ANKS1B: variants seen among roughly 807,000 people sequenced by gnomAD.
The protein encoded by ANKS1B is ankyrin repeat and sterile alpha motif domain-containing protein 1B.
In ANKS1B, 36 loss-of-function variants were observed where a neutral mutation model predicts 148.3. The ratio of observed to expected loss-of-function variants is 0.24; its 90% CI spans 0.19 to 0.32. The LOEUF (loss-of-function observed/expected upper bound fraction) is 0.32. Ranked by LOEUF, ANKS1B falls within the 10% of genes least tolerant of loss-of-function variation. The pLI is 1.00. For synonymous variants in ANKS1B, 542 were observed against 560.8 expected, an observed-to-expected ratio of 0.97 and a Z score of 0.47; for missense variants, 1,157 against 1,542.6, an observed-to-expected ratio of 0.75 and a Z score of 4.19.
At chr12:99,222,776 T>C (rs947507588) in intron 14 of ANKS1B, among the ~76,000 whole-genome samples, 6 of 152,242 alleles carry the variant, frequency 3.9e-5, no homozygotes, top group Non-Finnish European at 7.3e-5. Context: ...ACAGAGGCTC[T>C]ATATCTTTCT....
intron 12 of ANKS1B, among the ~76,000 whole-genome samples, chr12:99,315,606 C>T (rs1380074716): frequency 6.6e-6 from 1 of 151,986 alleles, no homozygotes; most frequent in Non-Finnish European, 1.5e-5. Context: ...AAAATTCATC[C>T]TTTTAAAGTA....
intron 9 of ANKS1B, among the ~76,000 whole-genome samples, chr12:99,571,195 T>C (rs1267911818): frequency 6.6e-6 from 1 of 152,102 alleles, no homozygotes; most frequent in Non-Finnish European, 1.5e-5. Flanking sequence ...ATGCATGTGA[T>C]TTACCATAAC....
intron 8 of ANKS1B, among the ~76,000 whole-genome samples, chr12:99,720,167 C>T: frequency 6.6e-6 from 1 of 152,202 alleles, no homozygotes; most frequent in East Asian, 1.9e-4. Context: ...GTTCTATCTG[C>T]TATTCTACTA....
At chr12:98,890,965 GT>G (rs1567594913) in intron 17 of ANKS1B, among the ~76,000 whole-genome samples, 1 of 152,206 alleles carries the variant, frequency 6.6e-6, no homozygotes, top group Non-Finnish European at 1.5e-5. Context: ...ATATGGTAAA[GT>G]TGCGTATCTA....
chr12:99,930,880 A>G (rs1223318595), intron 1 of ANKS1B, among the ~76,000 whole-genome samples: 1 of 152,214 alleles, frequency 6.6e-6, no homozygotes, highest in African/African-American at 2.4e-5. Flanking sequence ...GCTGCTATAA[A>G]GACACATGCG....
chr12:99,443,745 G>A lies in ANKS1B; in HGVS notation c.1503C>T (p.Gly501=). 2 of 1,612,284 alleles carry A rather than the reference G, an allele frequency of 1.2e-6. No individual in the cohort carries two copies. The highest frequency in any genetic ancestry group is 1.7e-6 in the Non-Finnish European group (2 of 1,178,864). Residue 501 remains glycine, a synonymous_variant, in exon 11 of 27, where the codon GGC becomes GGT. Transcript: ENST00000683438. ...ATGGAGGTGAACAATCAGGTGTTGG[G>A]CCTGTTGAGCTGTTTCTATGGTTAC... ...GTSNHRNSST[G]PTPDCSPPSP... is the part of the protein sequence containing the mutation.
chr12:99,709,544 C>T (rs2056332747), intron 8 of ANKS1B, among the ~76,000 whole-genome samples: 1 of 151,866 alleles, frequency 6.6e-6, no homozygotes, highest in African/African-American at 2.4e-5. Context: ...ATAATAATAC[C>T]CAGAGAGGAT....
chr12:99,910,354 CAAAAAA>C (rs57222450), intron 1 of ANKS1B, among the ~76,000 whole-genome samples: 5 of 51,104 alleles, frequency 9.8e-5, no homozygotes, highest in South Asian at 1.0e-3. Flanking sequence ...GACTCCATCT[CAAAAAA>C]AAAAAAAAAA....
chr12:98,829,449 G>A lies in ANKS1B; in HGVS notation c.2887-96C>T. On this transcript the variant is annotated intron_variant, in intron 18 of 26. Transcript: ENST00000683438. This position sits in a 1 kb window ranked among gnomAD's most constrained non-coding sequence, Gnocchi z 5.2. Reference sequence around the variant, plus strand: ...ACTGACAAGACAAACTGTGGGGGTGGGGAGTCGCTTTTGAAGCAACAGCCA... The same window carrying A: ...ACTGACAAGACAAACTGTGGGGGTGAGGAGTCGCTTTTGAAGCAACAGCCA... The A allele has an allele frequency of 7.9e-7, 1 of 1,270,772 alleles. No homozygotes were observed. The highest frequency in any genetic ancestry group is 1.5e-5 in the South Asian group (1 of 67,960). The allele number at this position is 1,270,772 out of a possible 1,614,324, so 78.7% of individuals were successfully genotyped here.
chr12:99,755,416 A>G (rs559555157), intron 8 of ANKS1B, among the ~76,000 whole-genome samples: 1 of 152,076 alleles, frequency 6.6e-6, no homozygotes, highest in Non-Finnish European at 1.5e-5. Flanking sequence ...TACCAGATGT[A>G]CAAAGAAGAA....
chr12:99,587,747 C>T (rs1364115291), intron 9 of ANKS1B, among the ~76,000 whole-genome samples: 4 of 152,198 alleles, frequency 2.6e-5, no homozygotes, highest in South Asian at 2.1e-4. Flanking sequence ...GACACACTTT[C>T]AGTGGATTCA....
Position 99,901,797 on chromosome 12 carries a change from A to G in ANKS1B, c.135-76408T>C, listed in dbSNP as rs143691108. On this transcript the variant is annotated intron_variant, in intron 1 of 26. Transcript: ENST00000683438. Reference sequence around the variant, plus strand: ...CAACATTCCCTTCTTATGGAATGGCAACTAATGGCTATGTGATCAAGCTGC... The same window carrying G: ...CAACATTCCCTTCTTATGGAATGGCGACTAATGGCTATGTGATCAAGCTGC... Among the ~76,000 whole-genome samples, 35 of 150,156 alleles carry G rather than the reference A, an allele frequency of 2.3e-4. No homozygotes were observed. The East Asian group carries it at 6.6e-3, about 28-fold the overall frequency.
At chr12:99,237,887 GACTACAGGC>G (rs1946053004) in intron 14 of ANKS1B, among the ~76,000 whole-genome samples, 2 of 152,206 alleles carry the variant, frequency 1.3e-5, no homozygotes, top group African/African-American at 4.8e-5. Flanking sequence ...GAGTACCTGG[GACTACAGGC>G]ACATGCCTAG....
chr12:99,340,840 A>G (rs1347517098), intron 12 of ANKS1B, among the ~76,000 whole-genome samples: 1 of 152,152 alleles, frequency 6.6e-6, no homozygotes, highest in Non-Finnish European at 1.5e-5. Flanking sequence ...TATATAAATA[A>G]TATGTGTTTA....
At chr12:99,751,180 T>C (rs1366740745) in intron 8 of ANKS1B, among the ~76,000 whole-genome samples, 1 of 152,070 alleles carries the variant, frequency 6.6e-6, no homozygotes. Context: ...ATTAACATAA[T>C]TAAACTTATT....
chr12:98,812,258 C>T (rs151009301), intron 19 of ANKS1B, among the ~76,000 whole-genome samples: 1 of 152,144 alleles, frequency 6.6e-6, no homozygotes, highest in South Asian at 2.1e-4. Context: ...TAGAGCCAGA[C>T]TTAGGTATGT....
At chr12:99,458,574 G>C (rs1205344176) in intron 10 of ANKS1B, among the ~76,000 whole-genome samples, 2 of 151,818 alleles carry the variant, frequency 1.3e-5, no homozygotes, top group African/African-American at 4.8e-5. Context: ...AATGAAACAG[G>C]AGATATTACA....
At chr12:99,106,195 A>G (rs1295512342) in intron 15 of ANKS1B, among the ~76,000 whole-genome samples, 1 of 152,214 alleles carries the variant, frequency 6.6e-6, no homozygotes, top group Non-Finnish European at 1.5e-5. Flanking sequence ...CTGGCAGCCT[A>G]ATTTGCAAGA....
chr12:99,238,002 C>G (rs369238064), intron 14 of ANKS1B, among the ~76,000 whole-genome samples: 33 of 152,314 alleles, frequency 2.2e-4, no homozygotes, highest in African/African-American at 6.7e-4. Context: ...TGGGTGATTT[C>G]TGCATTTCCA....
Sources: gnomAD v4.1 joint callset for allele counts (sites outside exome capture counted in the v4.1 genomes callset) on GRCh38, gnomAD v4.1.1 for gene constraint, Gnocchi (gnomAD v3.1) non-coding constraint, MANE v1.5 for transcripts, NCBI Gene and HGNC (gene_info 2026-07-23, HGNC 2026-07-21) for gene names.